The following ESRRG variants were observed in gnomAD, a reference collection of about 807,000 sequenced individuals.
ESRRG encodes estrogen-related receptor gamma.
Under a neutral mutation model 44.0 loss-of-function variants are expected in ESRRG, and 13 were observed. That is an observed-to-expected ratio of 0.30 (90% CI 0.19 to 0.47). ESRRG has a LOEUF of 0.47. Ranked by LOEUF, ESRRG falls within the 20% of genes least tolerant of loss-of-function variation. The probability of loss-of-function intolerance (pLI) is 1.00; values close to 1 mark genes in which losing one functional copy is unlikely to be tolerated. For missense variants in ESRRG, 395 were observed against 580.6 expected (o/e 0.68, Z 3.29); for synonymous variants, 215 against 214.6 (o/e 1.00, Z -0.02).
rs140918909 is a variant in ESRRG, at chr1:216,993,568, C to T, written c.-105-53895G>A. 2.2e-3 allele frequency among the ~76,000 whole-genome samples: 332 copies of T among 152,284 alleles called. 6 individuals are homozygous for T. The highest frequency in any genetic ancestry group is 0.018 in the Admixed American group (283 of 15,302). On this transcript the variant is annotated intron_variant, in intron 1 of 7. Transcript: ENST00000359162. ...GTGTGAAAAAAGCCTAAGGCAGAGACCGGAATCAGATACCTCCATTACTTT... is the reference window on the plus strand; with the variant it reads ...GTGTGAAAAAAGCCTAAGGCAGAGATCGGAATCAGATACCTCCATTACTTT...
intron 2 of ESRRG, among the ~76,000 whole-genome samples, chr1:216,840,762 G>A (rs760499893): frequency 7.9e-5 from 12 of 152,120 alleles, no homozygotes; most frequent in Admixed American, 2.0e-4. Flanking sequence ...GAAGAGAGAC[G>A]TGGAAACAGT....
At chr1:216,520,653 C>T (rs1176052166) in intron 5 of ESRRG, among the ~76,000 whole-genome samples, 3 of 152,064 alleles carry the variant, frequency 2.0e-5, no homozygotes, top group Admixed American at 6.6e-5. Context: ...AAGTGTATGC[C>T]TAAGACTTCT....
intron 6 of ESRRG, among the ~76,000 whole-genome samples, chr1:216,511,547 T>TCACACACA (rs79870471): frequency 2.1e-4 from 30 of 144,936 alleles, no homozygotes; most frequent in African/African-American, 2.8e-4. Context: ...ATACATAAAT[T>TCACACACA]CACACACACA....
At chr1:216,996,020 A>T (rs2076330431) in intron 1 of ESRRG, among the ~76,000 whole-genome samples, 1 of 152,208 alleles carries the variant, frequency 6.6e-6, no homozygotes, top group African/African-American at 2.4e-5. Flanking sequence ...CCTTTGTAGA[A>T]GGGCTTTTAT....
chr1:216,548,012 G>C (rs184591751), intron 5 of ESRRG, among the ~76,000 whole-genome samples: 2 of 152,178 alleles, frequency 1.3e-5, no homozygotes, highest in Admixed American at 1.3e-4. Context: ...GGGGTTCCTT[G>C]AGCTACGTGG....
At chr1:216,616,553 A>T (rs1367409195) in intron 3 of ESRRG, among the ~76,000 whole-genome samples, 1 of 152,160 alleles carries the variant, frequency 6.6e-6, no homozygotes, top group Non-Finnish European at 1.5e-5. Flanking sequence ...CTGTGATGAC[A>T]GAGGGCAGTC....
At chr1:217,044,790 TC>T (rs1405812893) in intron 1 of ESRRG, among the ~76,000 whole-genome samples, 1 of 152,208 alleles carries the variant, frequency 6.6e-6, no homozygotes, top group East Asian at 1.9e-4. Context: ...GTTATTAAAA[TC>T]CCTGACAGGT....
intron 2 of ESRRG, among the ~76,000 whole-genome samples, chr1:216,768,484 A>ATCTATCTATCTG (rs1472990007): frequency 7.9e-5 from 12 of 151,662 alleles, no homozygotes; most frequent in African/African-American, 2.9e-4. Context: ...CTATCTATCT[A>ATCTATCTATCTG]TCTATCTATC....
At chr1:217,128,430 A>T (rs558299509) in intron 1 of ESRRG, among the ~76,000 whole-genome samples, 2 of 152,342 alleles carry the variant, frequency 1.3e-5, no homozygotes, top group South Asian at 2.1e-4. Context: ...CAAGCATGTC[A>T]TCTGACTACT....
intron 2 of ESRRG, among the ~76,000 whole-genome samples, chr1:216,774,172 A>G (rs2093498320): frequency 6.6e-6 from 1 of 152,114 alleles, no homozygotes; most frequent in African/African-American, 2.4e-5. Flanking sequence ...GTGCTTCCTT[A>G]GAGAGCTCGG....
intron 1 of ESRRG, among the ~76,000 whole-genome samples, chr1:217,133,248 C>G (rs1580659315): frequency 6.6e-6 from 1 of 152,252 alleles, no homozygotes; most frequent in Admixed American, 6.5e-5. Flanking sequence ...TTTAAGATCC[C>G]GTCAAAGGCG....
intron 2 of ESRRG, among the ~76,000 whole-genome samples, chr1:216,814,411 T>C (rs1199758437): frequency 6.6e-6 from 1 of 152,228 alleles, no homozygotes; most frequent in African/African-American, 2.4e-5. Flanking sequence ...CTCAAATAAC[T>C]GGTGAACTCA....
intron 1 of ESRRG, among the ~76,000 whole-genome samples, chr1:216,994,531 A>C (rs994798418): frequency 6.6e-6 from 1 of 152,298 alleles, no homozygotes; most frequent in South Asian, 2.1e-4. Flanking sequence ...ACGGTAAAAA[A>C]GTATATATTG....
At chr1:216,874,622 A>G (rs1449112656) in intron 2 of ESRRG, among the ~76,000 whole-genome samples, 4 of 152,158 alleles carry the variant, frequency 2.6e-5, no homozygotes, top group Non-Finnish European at 4.4e-5. Context: ...TCATTTTAGC[A>G]TATAACTCTG....
intron 3 of ESRRG, among the ~76,000 whole-genome samples, chr1:216,590,099 A>G (rs556041977): frequency 6.3e-4 from 96 of 152,074 alleles, no homozygotes; most frequent in Middle Eastern, 3.4e-3. Context: ...TTCTTTTTCA[A>G]TCAATCCTGA....
At chr1:216,611,682 G>A (rs906052930) in intron 3 of ESRRG, among the ~76,000 whole-genome samples, 9 of 151,970 alleles carry the variant, frequency 5.9e-5, no homozygotes, top group Admixed American at 1.3e-4. Flanking sequence ...CTTATTGCCT[G>A]CCCTCAAGGG....
chr1:216,867,686 C>A (rs1287431725), intron 2 of ESRRG, among the ~76,000 whole-genome samples: 1 of 152,104 alleles, frequency 6.6e-6, no homozygotes, highest in African/African-American at 2.4e-5. Context: ...ATCATCTCTC[C>A]CCGACCTCTT....
At chr1:216,821,651 C>T (rs1408084932) in intron 2 of ESRRG, among the ~76,000 whole-genome samples, 2 of 141,952 alleles carry the variant, frequency 1.4e-5, no homozygotes, top group Non-Finnish European at 3.0e-5. Flanking sequence ...CAGCACTGCA[C>T]TCCAGCCTGG....
chr1:216,815,747 G>A (rs1185638182), intron 2 of ESRRG, among the ~76,000 whole-genome samples: 4 of 152,214 alleles, frequency 2.6e-5, no homozygotes, highest in African/African-American at 9.6e-5. Flanking sequence ...AAGCAGCCCT[G>A]TCACAGGACC....
Sources: allele counts gnomAD v4.1 joint callset (sites outside exome capture counted in the v4.1 genomes callset), GRCh38; gene constraint gnomAD v4.1.1; transcripts MANE v1.5; gene names NCBI Gene and HGNC (gene_info 2026-07-23, HGNC 2026-07-21).